LRP8: variants seen among roughly 807,000 people sequenced by gnomAD.
LRP8 encodes the protein low-density lipoprotein receptor-related protein 8.
In LRP8, 46 loss-of-function variants were observed where a neutral mutation model predicts 111.6. The observed-to-expected ratio is 0.41, with a 90% confidence interval of 0.33 to 0.53. The LOEUF (loss-of-function observed/expected upper bound fraction) is 0.53. LRP8 is among the 20% of genes least tolerant of loss of function. LRP8 has a pLI of 0.20. For missense variants in LRP8, 959 were observed against 1,297.4 expected (o/e 0.74, Z 4.01); for synonymous variants, 464 against 511.2 (o/e 0.91, Z 1.24).
chr1:53,311,883 T>A (rs1044978459), intron 2 of LRP8, among the ~76,000 whole-genome samples: 2 of 152,204 alleles, frequency 1.3e-5, no homozygotes, highest in East Asian at 3.9e-4. Flanking sequence ...GGTGGAGTCA[T>A]TCCTGCTGGC....
chr1:53,292,069 G>T lies in LRP8; in HGVS notation c.245-2380C>A, dbSNP rs565923707. ...CTTCTCCCTGGGAAGCCACTCCCAT[G>T]GACCACCTTTATTCAAATCTACCCA... is the stretch of plus-strand genomic sequence containing the variant. On this transcript the variant is annotated intron_variant, in intron 2 of 18. Transcript: ENST00000306052. 152 of 152,276 alleles carry T rather than the reference G, an allele frequency of 1.0e-3. 1 individual carries two copies. Among genetic ancestry groups the T allele is most frequent in the South Asian group, 1.9e-3 (9 of 4,820 alleles). 9.4% of individuals were successfully genotyped at this position (152,276 alleles called of 1,614,324 possible). A position where few individuals can be genotyped will look rare whatever the true frequency, so the allele number is the denominator to read the frequency against.
chr1:53,266,678 G>A lies in LRP8; in HGVS notation c.1253-31C>T, dbSNP rs1646573784. ...ATGCAGGGAGGTTGAAAGAGAAAGA[G>A]TCAGTGCAAGAGGCAGGGAGCCTGG... On this transcript the variant is annotated intron_variant, in intron 8 of 18. Transcript: ENST00000306052. This position sits in a 1 kb window ranked among gnomAD's most constrained non-coding sequence, Gnocchi z 5.0. The A allele has an allele frequency of 1.2e-6, 2 of 1,607,752 alleles. No individual in the cohort carries two copies. The highest frequency in any genetic ancestry group is 2.2e-5 in the East Asian group (1 of 44,828).
intron 3 of LRP8, among the ~76,000 whole-genome samples, chr1:53,281,013 C>T (rs1444423885): frequency 6.6e-6 from 1 of 152,222 alleles, no homozygotes; most frequent in East Asian, 1.9e-4. Flanking sequence ...ACCTCCCATC[C>T]CTCCAAACCT....
chr1:53,312,154 T>C lies in LRP8; in HGVS notation c.244+14719A>G, dbSNP rs1653115049. 2.0e-5 allele frequency among the ~76,000 whole-genome samples: 3 copies of C among 152,088 alleles called. No individual in the cohort carries two copies. In the South Asian group the frequency reaches 6.2e-4, roughly 32 times the overall value. ...AATGTTATGATTCTCACCACAGTCA[T>C]ACGAGGTGAGCAGGGCAGAGATGGG... is the stretch of plus-strand genomic sequence containing the variant. On this transcript the variant is annotated intron_variant, in intron 2 of 18. Transcript: ENST00000306052.
chr1:53,310,394 C>T (rs920725042), intron 2 of LRP8, among the ~76,000 whole-genome samples: 5 of 152,184 alleles, frequency 3.3e-5, no homozygotes, highest in Admixed American at 1.3e-4. Context: ...CCTGCTAAGC[C>T]GTGTGACCTG....
intron 2 of LRP8, among the ~76,000 whole-genome samples, chr1:53,296,198 T>C (rs1304107856): frequency 6.6e-6 from 1 of 152,232 alleles, no homozygotes; most frequent in Non-Finnish European, 1.5e-5. Flanking sequence ...CTCTGGTTTC[T>C]GTGGACAGGT....
chr1:53,298,370 GGGAGAGGT>G (rs1202295519), intron 2 of LRP8, among the ~76,000 whole-genome samples: 1 of 152,218 alleles, frequency 6.6e-6, no homozygotes, highest in Non-Finnish European at 1.5e-5. Context: ...GTGGGTATGG[GGGAGAGGT>G]GGGCAGGATG....
chr1:53,310,784 A>G (rs1221807423), intron 2 of LRP8, among the ~76,000 whole-genome samples: 1 of 152,114 alleles, frequency 6.6e-6, no homozygotes, highest in Non-Finnish European at 1.5e-5. Flanking sequence ...GTATGCAAGC[A>G]GGGGGATCCA....
At chr1:53,252,386 A>T (rs1572423282) in intron 16 of LRP8, among the ~76,000 whole-genome samples, 2 of 152,100 alleles carry the variant, frequency 1.3e-5, no homozygotes, top group South Asian at 4.2e-4. Context: ...AATTTAAAAA[A>T]TTAGCCAGGT....
chr1:53,281,418 G>A (rs1258407890), intron 3 of LRP8, among the ~76,000 whole-genome samples: 1 of 152,260 alleles, frequency 6.6e-6, no homozygotes, highest in Admixed American at 6.5e-5. Context: ...CTCTTATCAT[G>A]AGTTTCTGCT....
At chr1:53,261,868 G>A (rs575816037) in intron 12 of LRP8, among the ~76,000 whole-genome samples, 200 bp downstream of exon 12, 3 of 152,352 alleles carry the variant, frequency 2.0e-5, no homozygotes, top group East Asian at 3.9e-4. Flanking sequence ...TGGGAAGAGA[G>A]CGTGGGAAAG....
At chr1:53,308,586 C>T (rs964423360) in intron 2 of LRP8, among the ~76,000 whole-genome samples, 2 of 152,210 alleles carry the variant, frequency 1.3e-5, no homozygotes, top group African/African-American at 2.4e-5. Context: ...GCTTAATTAA[C>T]ATTAATGTGA....
chr1:53,290,437 A>G (rs112545233), intron 2 of LRP8, among the ~76,000 whole-genome samples: 2 of 152,290 alleles, frequency 1.3e-5, no homozygotes, highest in Admixed American at 6.5e-5. Flanking sequence ...TGTATGAAGA[A>G]CCTGCAGCAG....
Position 53,294,946 on chromosome 1 carries a change from G to T in LRP8, c.245-5257C>A, listed in dbSNP as rs562711999. Among the ~76,000 whole-genome samples the T allele has an allele frequency of 1.3e-5, 2 of 152,338 alleles. No homozygotes were observed. The highest frequency in any genetic ancestry group is 3.9e-4 in the East Asian group (2 of 5,186). On this transcript the variant is annotated intron_variant, in intron 2 of 18. Coordinates refer to ENST00000306052, the MANE Select transcript of LRP8 (RefSeq NM_004631.5). The surrounding 1 kb of genome is among the most constrained non-coding windows in gnomAD (Gnocchi z 4.1). ...CTGCCCAGGGGCACTGCTCTGTGCAGCTTCCTCTTGGCAATCCGAATGTCC... is the reference window on the plus strand; with the variant it reads ...CTGCCCAGGGGCACTGCTCTGTGCATCTTCCTCTTGGCAATCCGAATGTCC...
At chr1:53,261,149 C>A in intron 12 of LRP8, among the ~76,000 whole-genome samples, 1 of 152,184 alleles carries the variant, frequency 6.6e-6, no homozygotes, top group East Asian at 1.9e-4. Flanking sequence ...CTACATTTGC[C>A]CCTAAATATG....
chr1:53,248,631 T>C (rs371643962), intron 18 of LRP8, among the ~76,000 whole-genome samples: 15 of 152,248 alleles, frequency 9.9e-5, no homozygotes, highest in Middle Eastern at 6.3e-3. Flanking sequence ...GATAAGGTTA[T>C]TATGAAGATT....
chr1:53,291,252 G>C (rs924121502), intron 2 of LRP8, among the ~76,000 whole-genome samples: 1 of 152,108 alleles, frequency 6.6e-6, no homozygotes, highest in East Asian at 1.9e-4. Context: ...CCTAAAAGAG[G>C]ATACCTCAGC....
rs149483682 is a variant in LRP8, at chr1:53,294,237, G to C, written c.245-4548C>G. Among the ~76,000 whole-genome samples the C allele has an allele frequency of 3.5e-4, 54 of 152,302 alleles. No homozygotes were observed. The East Asian group carries it at 0.01, about 28-fold the overall frequency. ...CCAGGAGTGATACATAGTCAACCAG[G>C]GTCTGCGACATCATAATCTGGTGCC... On this transcript the variant is annotated intron_variant, in intron 2 of 18. Coordinates refer to ENST00000306052, the MANE Select transcript of LRP8 (RefSeq NM_004631.5). This position sits in a 1 kb window ranked among gnomAD's most constrained non-coding sequence, Gnocchi z 4.1.
At position 53,262,188 on chromosome 1, in the gene LRP8, C is replaced by T; in HGVS notation, c.1794G>A (p.Leu598=). The part of the protein sequence containing the change: ...GITLDLLSQR[L]YWVDSKLHQL... ...GGTGTAGCTTGGAGTCTACCCAGTA[C>T]AAGCGCTGGCTCAGCAGATCTTGGG... The change falls in exon 12 of 19, where the codon TTG becomes TTA. Residue 598 remains leucine, a synonymous_variant. Transcript: ENST00000306052. This position sits in a 1 kb window ranked among gnomAD's most constrained non-coding sequence, Gnocchi z 4.8. 2.5e-6 allele frequency: 4 copies of T among 1,613,562 alleles called. No homozygotes were observed. Among genetic ancestry groups the T allele is most frequent in the Non-Finnish European group, 3.4e-6 (4 of 1,180,026 alleles).
Sources: allele counts gnomAD v4.1 joint callset (sites outside exome capture counted in the v4.1 genomes callset), GRCh38; gene constraint gnomAD v4.1.1; non-coding constraint Gnocchi (gnomAD v3.1); transcripts MANE v1.5; gene names NCBI Gene and HGNC (gene_info 2026-07-23, HGNC 2026-07-21).